The following TRA2B variants were observed in gnomAD, a reference collection of about 807,000 sequenced individuals.
The protein encoded by TRA2B is transformer-2 protein homolog beta.
A neutral mutation model predicts 41.7 loss-of-function variants in TRA2B; 14 were observed. The observed-to-expected ratio is 0.34, with a 90% CI of 0.22 to 0.53. TRA2B has a LOEUF of 0.53. Among genes scored for constraint, TRA2B ranks in the 20% least tolerant of loss-of-function variants. TRA2B has a pLI of 0.95. For missense variants in TRA2B, 167 were observed against 396.8 expected (o/e 0.42, Z 4.92); for synonymous variants, 130 against 128.8 (o/e 1.01, Z -0.06).
At chr3:185,918,038 A>G (rs1257188500) in intron 8 of TRA2B, among the ~76,000 whole-genome samples, 2 of 152,044 alleles carry the variant, frequency 1.3e-5, no homozygotes, top group Non-Finnish European at 2.9e-5. Flanking sequence ...TACATTATTT[A>G]CTGTTTCAAT....
intron 1 of TRA2B, chr3:185,936,068 G>A: frequency 1.0e-6 from 1 of 985,274 alleles, no homozygotes; most frequent in Non-Finnish European, 1.2e-6. Context: ...CCCTTCTCAC[G>A]TAAAATATAC....
intron 1 of TRA2B, chr3:185,937,546 C>T: frequency 4.0e-6 from 4 of 993,344 alleles, no homozygotes; most frequent in Non-Finnish European, 5.2e-6. Flanking sequence ...GGGGACGCAG[C>T]GGCCATTTTC....
At chr3:185,934,993 C>T (rs1257423318) in intron 1 of TRA2B, 2 of 985,430 alleles carry the variant, frequency 2.0e-6, no homozygotes, top group Non-Finnish European at 2.4e-6. Context: ...CTCGTAGAAA[C>T]TCATTACAAT....
At chr3:185,932,463 G>A (rs913833442) in intron 1 of TRA2B, among the ~76,000 whole-genome samples, 4 of 152,144 alleles carry the variant, frequency 2.6e-5, no homozygotes, top group African/African-American at 4.8e-5. Context: ...AGATTTTATA[G>A]TATGAATCAT....
chr3:185,921,020 T>C (rs1488215212), intron 6 of TRA2B, 84 bp downstream of exon 6: 4 of 1,217,032 alleles, frequency 3.3e-6, no homozygotes, highest in Admixed American at 3.8e-5. Context: ...GCAAAGCTTT[T>C]AACAAAGGCT....
chr3:185,933,596 A>T (rs964760696), intron 1 of TRA2B, among the ~76,000 whole-genome samples: 4 of 152,124 alleles, frequency 2.6e-5, no homozygotes, highest in Non-Finnish European at 5.9e-5. Context: ...GGCAAAGAAA[A>T]CCTCATTAAT....
Position 185,936,092 on chromosome 3 carries a change from G to A in TRA2B, c.36+1733C>T, listed in dbSNP as rs1162184862. Reference sequence around the variant, plus strand: ...CGTAAAATATACTAATGAACTCTGGGCAATTTTCCATTCTCAAGCATTCTT... The same window carrying A: ...CGTAAAATATACTAATGAACTCTGGACAATTTTCCATTCTCAAGCATTCTT... On this transcript the variant is annotated intron_variant, in intron 1 of 8. Coordinates refer to ENST00000453386, the MANE Select transcript of TRA2B (RefSeq NM_004593.3). The A allele has an allele frequency of 6.1e-6, 6 of 985,182 alleles. No homozygotes were observed. In the South Asian group the frequency reaches 1.9e-4, roughly 31 times the overall value. The allele number at this position is 985,182 out of a possible 1,614,324, so 61.0% of individuals were successfully genotyped here.
intron 5 of TRA2B, 64 bp downstream of exon 5, chr3:185,921,946 TA>T: frequency 8.2e-7 from 1 of 1,222,774 alleles, no homozygotes; most frequent in Non-Finnish European, 1.2e-6. Context: ...GACTTTCCAC[TA>T]ATACAAGTGT....
chr3:185,934,475 T>C (rs1270743619), intron 1 of TRA2B: 1 of 985,276 alleles, frequency 1.0e-6, no homozygotes, highest in East Asian at 1.1e-4. Flanking sequence ...CACGTTCTAG[T>C]TCCAGACAAT....
In TRA2B at chr3:185,917,730, GA is replaced by G. The variant is rs1439547633; in HGVS notation, c.857-6del. On this transcript the variant is annotated splice_region_variant and splice_polypyrimidine_tract_variant and intron_variant, in intron 8 of 8. Coordinates refer to ENST00000453386, the MANE Select transcript of TRA2B (RefSeq NM_004593.3). ...TCTTCATGCTTTAATAGCGACCTGG[GA>G]AGAAAAGAATGAACATGCTTTAATA... 6.2e-7 allele frequency: 1 copy of G among 1,612,736 alleles called. No individual in the cohort carries two copies. Among genetic ancestry groups the G allele is most frequent in the Non-Finnish European group, 8.5e-7 (1 of 1,179,140 alleles).
At chr3:185,922,892 C>G (rs1382022006) in intron 4 of TRA2B, 1 of 152,206 alleles carries the variant, frequency 6.6e-6, no homozygotes, top group African/African-American at 2.4e-5. Flanking sequence ...GATGTTCAAG[C>G]TAGTGTTTAC....
intron 2 of TRA2B, among the ~76,000 whole-genome samples, chr3:185,926,207 C>G (rs1016818293): frequency 1.4e-5 from 2 of 145,970 alleles, no homozygotes; most frequent in Middle Eastern, 3.6e-3. Context: ...AAAAAAAAAG[C>G]GCACCATATA....
chr3:185,919,448 A>G lies in TRA2B; in HGVS notation c.771T>C (p.Asp257=). 1 of 1,613,578 alleles carries G rather than the reference A, an allele frequency of 6.2e-7. No homozygotes were observed. Among genetic ancestry groups the G allele is most frequent in the East Asian group, 2.2e-5 (1 of 44,852 alleles). Residue 257 remains aspartate (D), a synonymous_variant, in exon 7 of 9, where the codon GAT becomes GAC. Transcript: ENST00000453386. ...GGGWRAAQDR[D]QIYRRRSPSP... ...CTCTCCTGGCATACCTATAAATCTG[A>G]TCCCTGTCTTGGGCAGCTCTCCATC...
chr3:185,914,762 C>A lies in TRA2B; in HGVS notation c.*2953G>T, dbSNP rs1743445738. Among the ~76,000 whole-genome samples, 1 of 147,028 alleles carries A rather than the reference C, an allele frequency of 6.8e-6. No individual in the cohort carries two copies. The highest frequency in any genetic ancestry group is 2.6e-5 in the African/African-American group (1 of 38,168). On this transcript the variant is annotated 3_prime_UTR_variant, in exon 9 of 9. Transcript: ENST00000453386. ...TGCTGAAGGAATATTGGAGGCGTGT[C>A]CACTGCTAATAAATCCAGCCTAATC...
rs1280932921 is a variant in TRA2B at position 185,915,900 on chromosome 3, A to T, written c.*1815T>A. On this transcript the variant is annotated 3_prime_UTR_variant, in exon 9 of 9. Transcript: ENST00000453386. ...AAGGATGCCTGTATATACTACCACG[A>T]TAAAACCAGGTTTCTCAGCCTTTAA... 6.6e-6 allele frequency: 1 copy of T among 152,200 alleles called. No individual in the cohort carries two copies. Among genetic ancestry groups the T allele is most frequent in the Non-Finnish European group, 1.5e-5 (1 of 68,030 alleles). 9.4% of individuals were successfully genotyped at this position (152,200 alleles called of 1,614,324 possible).
At chr3:185,920,093 A>C (rs1055128932) in intron 6 of TRA2B, among the ~76,000 whole-genome samples, 1 of 152,190 alleles carries the variant, frequency 6.6e-6, no homozygotes, top group Non-Finnish European at 1.5e-5. Context: ...ACTATGATTG[A>C]CATTTCCCTA....
intron 1 of TRA2B, 70 bp downstream of exon 1, chr3:185,937,755 G>A: frequency 1.2e-6 from 2 of 1,607,562 alleles, no homozygotes; most frequent in Admixed American, 1.7e-5. Context: ...CTGGCCCGAG[G>A]CCGACGGGCC....
chr3:185,924,804 CCTGTCTCA>C (rs1453767851), intron 3 of TRA2B: 1 of 148,512 alleles, frequency 6.7e-6, no homozygotes, highest in Non-Finnish European at 1.5e-5. Flanking sequence ...AGAGTGAGGC[CCTGTCTCA>C]AAAAAAGATG....
rs1743509022 is a variant in TRA2B at position 185,916,611 on chromosome 3, C to G, written c.*1104G>C. Reference sequence around the variant, plus strand: ...TTTTCCAGGAATACAGAAATTCATCCCCCCCTCAACCCAGCCCAAAATAGC... The same window carrying G: ...TTTTCCAGGAATACAGAAATTCATCGCCCCCTCAACCCAGCCCAAAATAGC... On this transcript the variant is annotated 3_prime_UTR_variant, in exon 9 of 9. Transcript: ENST00000453386. 1 of 152,340 alleles carries G rather than the reference C, an allele frequency of 6.6e-6. No homozygotes were observed. Among genetic ancestry groups the G allele is most frequent in the Admixed American group, 6.6e-5 (1 of 15,242 alleles). The allele number at this position is 152,340 out of a possible 1,614,324, so 9.4% of individuals were successfully genotyped here.
Sources: allele counts gnomAD v4.1 joint callset (sites outside exome capture counted in the v4.1 genomes callset), GRCh38; gene constraint gnomAD v4.1.1; transcripts MANE v1.5; gene names NCBI Gene and HGNC (gene_info 2026-07-23, HGNC 2026-07-21).